CNTNAP3B: variants seen among roughly 807,000 people sequenced by gnomAD.
CNTNAP3B encodes contactin associated protein family member 3B.
CNTNAP3B carries 25 observed loss-of-function variants against 108.9 expected under a neutral mutation model. That is an observed-to-expected ratio of 0.23 (90% CI 0.17 to 0.32). The LOEUF is 0.32. CNTNAP3B is among the 10% of genes least tolerant of loss of function. The probability of loss-of-function intolerance (pLI) is 1.00; values close to 1 mark genes in which losing one functional copy is unlikely to be tolerated. For synonymous variants in CNTNAP3B, 103 were observed against 473.4 expected (o/e 0.22, Z 10.16); for missense variants, 252 against 1,210.4 (o/e 0.21, Z 11.75).
intron 1 of CNTNAP3B, among the ~76,000 whole-genome samples, chr9:42,121,513 G>C (rs1441612731): frequency 7.2e-6 from 1 of 138,152 alleles, no homozygotes; most frequent in Non-Finnish European, 1.5e-5. Context: ...CATCTGCCTA[G>C]CCTGCCAAAA....
intron 10 of CNTNAP3B, among the ~76,000 whole-genome samples, chr9:41,966,350 T>A (rs879352334): frequency 5.6e-3 from 859 of 152,058 alleles, no homozygotes; most frequent in Non-Finnish European, 9.5e-3. Flanking sequence ...ACTATTTAAG[T>A]GATCTAGAGA....
intron 3 of CNTNAP3B, among the ~76,000 whole-genome samples, chr9:42,058,646 A>G: frequency 7.2e-6 from 1 of 139,268 alleles, no homozygotes; most frequent in South Asian, 2.3e-4. Flanking sequence ...GTTTGAAAAT[A>G]TTTCCTCCGA....
At chr9:41,927,373 G>A (rs1257546424) in intron 15 of CNTNAP3B, among the ~76,000 whole-genome samples, 1 of 129,902 alleles carries the variant, frequency 7.7e-6, no homozygotes, top group Non-Finnish European at 1.6e-5. Flanking sequence ...CAGAAACAGT[G>A]CAAACATACT....
chr9:42,047,405 C>A (rs1336634170), intron 3 of CNTNAP3B, among the ~76,000 whole-genome samples: 1 of 131,568 alleles, frequency 7.6e-6, no homozygotes, highest in African/African-American at 3.1e-5. Flanking sequence ...AAGCAGAAAG[C>A]AAAACCAAAG....
chr9:41,936,246 C>T (rs1353637934), intron 14 of CNTNAP3B, among the ~76,000 whole-genome samples: 9 of 152,038 alleles, frequency 5.9e-5, no homozygotes, highest in South Asian at 2.1e-4. Context: ...CACTGCATTC[C>T]AGCCTGGGCG....
At position 41,943,684 on chromosome 9, in the gene CNTNAP3B, T is replaced by C. The variant is rs1824434918; in HGVS notation, c.2081-5284A>G. 2.7e-5 allele frequency among the ~76,000 whole-genome samples: 4 copies of C among 148,854 alleles called. No homozygotes were observed. In the South Asian group the frequency reaches 8.5e-4, roughly 32 times the overall value. Reference sequence around the variant, plus strand: ...GGATAAATTCAAACGGTGTAACCTATGTAACCCATAATCGGAATACCAGAA... The same window carrying C: ...GGATAAATTCAAACGGTGTAACCTACGTAACCCATAATCGGAATACCAGAA... On this transcript the variant is annotated intron_variant, in intron 13 of 23. Coordinates refer to ENST00000377561, the MANE Select transcript of CNTNAP3B (RefSeq NM_001201380.3).
intron 1 of CNTNAP3B, among the ~76,000 whole-genome samples, chr9:42,116,169 A>C (rs1448870890): frequency 2.3e-5 from 3 of 130,576 alleles, no homozygotes; most frequent in Non-Finnish European, 5.1e-5. Context: ...AAGTTTAGAG[A>C]AAAAAGAGTA....
intron 2 of CNTNAP3B, among the ~76,000 whole-genome samples, chr9:42,094,793 G>A (rs1273703732): frequency 1.6e-5 from 2 of 124,344 alleles, no homozygotes; most frequent in African/African-American, 3.1e-5. Context: ...AGAAAAAAAA[G>A]AAATGTAACA....
intron 14 of CNTNAP3B, among the ~76,000 whole-genome samples, chr9:41,929,728 C>G (rs557427134): frequency 7.5e-6 from 1 of 133,406 alleles, no homozygotes; most frequent in African/African-American, 3.0e-5. Flanking sequence ...ACAGGCATGG[C>G]TGGGTTGCAA....
chr9:41,967,215 C>T (rs191304468), intron 10 of CNTNAP3B, among the ~76,000 whole-genome samples: 1 of 152,054 alleles, frequency 6.6e-6, no homozygotes, highest in African/African-American at 2.4e-5. Context: ...AATTGTAGTT[C>T]TCATAATTCC....
chr9:41,933,898 T>C (rs1824056667), intron 14 of CNTNAP3B, among the ~76,000 whole-genome samples: 1 of 152,210 alleles, frequency 6.6e-6, no homozygotes, highest in Non-Finnish European at 1.5e-5. Context: ...ATTTACAAAA[T>C]TTTTTATACT....
At chr9:41,934,122 T>TATATAC (rs1214326050) in intron 14 of CNTNAP3B, among the ~76,000 whole-genome samples, 1,029 of 73,352 alleles carry the variant, frequency 0.014, 18 homozygotes, top group African/African-American at 0.058. Context: ...TATATATATA[T>TATATAC]ACACACACAT....
In CNTNAP3B at chr9:42,121,603, A is replaced by G. The variant is rs1281337444; in HGVS notation, c.85+7407T>C. 2.1e-5 allele frequency among the ~76,000 whole-genome samples: 3 copies of G among 139,978 alleles called. 1 individual carries two copies. The highest frequency in any genetic ancestry group is 8.5e-5 in the African/African-American group (3 of 35,440). 91.8% of individuals were successfully genotyped at this position (139,978 alleles called of 152,430 possible). A position where few individuals can be genotyped will look rare whatever the true frequency, so the allele number is the denominator to read the frequency against. On this transcript the variant is annotated intron_variant, in intron 1 of 23. Transcript: ENST00000377561. Reference sequence around the variant, plus strand: ...AATTCTTCCTCATATCCCAGAAAAAAGAAGAAATGAGGACAGTAGAATCAA... The same window carrying G: ...AATTCTTCCTCATATCCCAGAAAAAGGAAGAAATGAGGACAGTAGAATCAA...
chr9:41,943,875 C>A (rs1824444116), intron 13 of CNTNAP3B, among the ~76,000 whole-genome samples: 1 of 152,240 alleles, frequency 6.6e-6, no homozygotes, highest in Non-Finnish European at 1.5e-5. Context: ...ATTCAAATTG[C>A]AAAAAATTGA....
At chr9:41,943,829 G>A (rs1471523947) in intron 13 of CNTNAP3B, among the ~76,000 whole-genome samples, 1 of 152,062 alleles carries the variant, frequency 6.6e-6, no homozygotes, top group African/African-American at 2.4e-5. Flanking sequence ...CACCAAGCAG[G>A]TTAAATACAA....
At position 41,961,187 on chromosome 9, in the gene CNTNAP3B, G is replaced by A. The variant is rs577593844; in HGVS notation, c.1757-295C>T. On this transcript the variant is annotated intron_variant, in intron 11 of 23. Coordinates refer to ENST00000377561, the MANE Select transcript of CNTNAP3B (RefSeq NM_001201380.3). ...AGTGTATTTCTATTTTGAGGAAGAA[G>A]GAAAGATTGTGTTGGTGTTCAAACA... Among the ~76,000 whole-genome samples the A allele has an allele frequency of 7.9e-5, 12 of 152,426 alleles. No individual in the cohort carries two copies. The South Asian group carries it at 2.5e-3, about 32-fold the overall frequency.
At chr9:41,952,493 G>C (rs1468456046) in intron 13 of CNTNAP3B, among the ~76,000 whole-genome samples, 1 of 152,274 alleles carries the variant, frequency 6.6e-6, no homozygotes, top group African/African-American at 2.4e-5. Context: ...GAAACTGTTG[G>C]AGAGCAGCGG....
chr9:41,982,013 G>A (rs1163975939), intron 9 of CNTNAP3B, among the ~76,000 whole-genome samples: 5 of 82,374 alleles, frequency 6.1e-5, no homozygotes, highest in East Asian at 5.4e-4. Context: ...AGGCTGTATC[G>A]TGTCATTGCA....
At chr9:41,928,475 G>T (rs1318511533) in intron 15 of CNTNAP3B, among the ~76,000 whole-genome samples, 3 of 151,930 alleles carry the variant, frequency 2.0e-5, no homozygotes, top group African/African-American at 4.8e-5. Context: ...GTGATGTTGT[G>T]TTCTCTTTGA....
Sources: allele counts gnomAD v4.1 joint callset (sites outside exome capture counted in the v4.1 genomes callset), GRCh38; gene constraint gnomAD v4.1.1; transcripts MANE v1.5; gene names NCBI Gene and HGNC (gene_info 2026-07-23, HGNC 2026-07-21).